The following SCN9A variants were observed in gnomAD, a reference collection of about 807,000 sequenced individuals.
SCN9A encodes the protein sodium voltage-gated channel alpha subunit 9, also known as sodium channel protein type 9 subunit alpha.
SCN9A carries 131 observed loss-of-function variants against 187.0 expected under a neutral mutation model. That is an observed-to-expected ratio of 0.70 (90% CI 0.61 to 0.81). SCN9A has a LOEUF of 0.81. Among genes scored for constraint, SCN9A ranks in the 30% least tolerant of loss-of-function variants. The pLI is 0.00. For missense variants in SCN9A, 2,252 were observed against 2,396.6 expected (o/e 0.94, Z 1.26); for synonymous variants, 809 against 808.6 (o/e 1.00, Z -0.01).
intron 9 of SCN9A, among the ~76,000 whole-genome samples, chr2:166,288,884 T>C (rs1398086862): frequency 6.6e-6 from 1 of 152,182 alleles, no homozygotes; most frequent in Non-Finnish European, 1.5e-5. Context: ...AGTGTAGTAG[T>C]ATAAAAATCA....
At chr2:166,288,691 G>A (rs1163884478) in intron 9 of SCN9A, 48 bp from the exon 10 acceptor site, 1 of 1,433,278 alleles carries the variant, frequency 7.0e-7, no homozygotes. Context: ...AGTTTTTTTA[G>A]TAAATTATTT....
chr2:166,195,571 C>A lies in SCN9A; in HGVS notation c.*3101G>T, dbSNP rs201362859. 1 of 152,104 alleles carries A rather than the reference C, an allele frequency of 6.6e-6. No homozygotes were observed. Among genetic ancestry groups the A allele is most frequent in the Admixed American group, 6.5e-5 (1 of 15,268 alleles). 9.4% of individuals were successfully genotyped at this position (152,104 alleles called of 1,614,324 possible). ...TTTAGAACTGCTTTATTTACATATG[C>A]ATTTTATTTTCACTCTTTTTAATAA... On this transcript the variant is annotated 3_prime_UTR_variant, in exon 27 of 27. Transcript: ENST00000642356.
intron 1 of SCN9A, among the ~76,000 whole-genome samples, chr2:166,367,008 A>G (rs999805429): frequency 1.3e-5 from 2 of 152,218 alleles, no homozygotes; most frequent in Non-Finnish European, 2.9e-5. Context: ...CTTCATGACA[A>G]TAAGTACTGT....
intron 1 of SCN9A, among the ~76,000 whole-genome samples, chr2:166,369,004 A>G (rs1448016074): frequency 1.3e-5 from 2 of 151,970 alleles, no homozygotes; most frequent in African/African-American, 4.8e-5. Flanking sequence ...AAAAAAAAGA[A>G]TGCATTTTGA....
intron 10 of SCN9A, among the ~76,000 whole-genome samples, chr2:166,287,987 T>G (rs1332579782): frequency 6.8e-6 from 1 of 146,690 alleles, no homozygotes; most frequent in Non-Finnish European, 1.5e-5. Context: ...ATATATAAAT[T>G]GAGATTATAT....
At chr2:166,270,331 C>A (rs1696918923) in intron 17 of SCN9A, among the ~76,000 whole-genome samples, 1 of 151,702 alleles carries the variant, frequency 6.6e-6, no homozygotes, top group Non-Finnish European at 1.5e-5. Flanking sequence ...TTAAAGTGTA[C>A]ATATGAGAGG....
intron 8 of SCN9A, 57 bp downstream of exon 8, chr2:166,294,542 A>G (rs1698216549): frequency 1.5e-6 from 2 of 1,301,122 alleles, no homozygotes; most frequent in African/African-American, 2.9e-5. Flanking sequence ...AACTGACTGA[A>G]CATTCTTTTC....
In SCN9A at chr2:166,280,584, A is replaced by C. The variant is rs1697438581; in HGVS notation, c.2116T>G (p.Ser706Ala). ...CACCAAGGTGGACATTTTTGTCTGGACTCTTCAAGTTCTGGGAGAAAAAAG... is the reference window on the plus strand; with the variant it reads ...CACCAAGGTGGACATTTTTGTCTGGCCTCTTCAAGTTCTGGGAGAAAAAAG... ...LTNTVEELEE[S>A]RQKCPPWWYR... Residue 706 changes from serine (S) to alanine (A), a missense_variant, in exon 14 of 27, where the codon TCC (serine) becomes GCC (alanine). Ser to Ala is a moderately conservative substitution (Grantham distance 99). Around this residue, in one of 7 missense-constraint regions of SCN9A, gnomAD observed 1,013 missense variants for 997.4 expected, o/e 1.02. Transcript: ENST00000642356. The C allele has an allele frequency of 6.4e-7, 1 of 1,570,974 alleles. No homozygotes were observed.
intron 1 of SCN9A, among the ~76,000 whole-genome samples, chr2:166,335,914 T>G (rs1309649251): frequency 1.3e-5 from 2 of 152,140 alleles, no homozygotes. Flanking sequence ...GTTTTTTTTC[T>G]TGTCATTATT....
chr2:166,284,689 C>G lies in SCN9A; in HGVS notation c.1738G>C (p.Asp580His). The G allele has an allele frequency of 1.2e-6, 2 of 1,613,972 alleles. No individual in the cohort carries two copies. The highest frequency in any genetic ancestry group is 3.3e-4 in the Middle Eastern group (2 of 6,062). Reference protein sequence around the residue: ...FADDEHSIFGDNESRRGSLFV... With the variant: ...FADDEHSIFGHNESRRGSLFV... ...AGTGAGCCCCTTCTGCTCTCATTGT[C>G]TCCAAAAATGCTGTGCTCATCATCG... The change falls in exon 12 of 27, where the codon GAC becomes CAC. Residue 580 changes from aspartate to histidine, a missense_variant. Around this residue, in one of 7 missense-constraint regions of SCN9A, gnomAD observed 1,013 missense variants for 997.4 expected, o/e 1.02. Transcript: ENST00000642356.
rs943797836 is a variant in SCN9A at position 166,333,172 on chromosome 2, A to G, written c.-50-21366T>C. ...ACCAGAGTTAGCAAAAAGAATACAC[A>G]GTCAGTTAAATTTGAATTATTTATC... On this transcript the variant is annotated intron_variant, in intron 1 of 26. Coordinates refer to ENST00000642356, the MANE Select transcript of SCN9A (RefSeq NM_001365536.1). 3.3e-5 allele frequency among the ~76,000 whole-genome samples: 5 copies of G among 152,206 alleles called. 1 individual carries two copies. In the South Asian group the frequency reaches 6.2e-4, roughly 19 times the overall value.
At position 166,199,759 on chromosome 2, in the gene SCN9A, G is replaced by C; in HGVS notation, c.4880C>G (p.Ala1627Gly). Residue 1627 changes from alanine to glycine, a missense_variant, in exon 27 of 27, where the codon GCA becomes GGA. Physicochemically the swap from Ala to Gly is moderately conservative, Grantham distance 60. Around this residue, in one of 7 missense-constraint regions of SCN9A, gnomAD observed 84 missense variants for 134.2 expected, o/e 0.63. Transcript: ENST00000642356. The part of the protein sequence containing the change: ...IGRILRLVKG[A>G]KGIRTLLFAL... ...AAAGAGCAGCGTGCGGATCCCCTTTGCTCCTTTGACTAGACGTAGGATTCG... is the reference window on the plus strand; with the variant it reads ...AAAGAGCAGCGTGCGGATCCCCTTTCCTCCTTTGACTAGACGTAGGATTCG... 1 of 1,614,058 alleles carries C rather than the reference G, an allele frequency of 6.2e-7. No individual in the cohort carries two copies. Among genetic ancestry groups the C allele is most frequent in the Non-Finnish European group, 8.5e-7 (1 of 1,180,024 alleles).
At chr2:166,355,665 A>G (rs1476729686) in intron 1 of SCN9A, among the ~76,000 whole-genome samples, 1 of 152,116 alleles carries the variant, frequency 6.6e-6, no homozygotes, top group African/African-American at 2.4e-5. Context: ...TACTCTTTAA[A>G]GGAATTATGC....
chr2:166,268,290 T>C (rs1558995132), intron 17 of SCN9A, among the ~76,000 whole-genome samples: 2 of 152,006 alleles, frequency 1.3e-5, no homozygotes, highest in African/African-American at 2.4e-5. Flanking sequence ...TTCTTAACTA[T>C]ATCCCAAGGT....
At chr2:166,202,218 AC>A (rs1693573107) in intron 26 of SCN9A, among the ~76,000 whole-genome samples, 2 of 144,844 alleles carry the variant, frequency 1.4e-5, no homozygotes, top group South Asian at 4.3e-4. Context: ...TTTTGGCTTT[AC>A]AAATTTGTGT....
chr2:166,373,228 T>C (rs1286425933), intron 1 of SCN9A, among the ~76,000 whole-genome samples: 1 of 151,938 alleles, frequency 6.6e-6, no homozygotes, highest in Non-Finnish European at 1.5e-5. Flanking sequence ...GAGTAAACCA[T>C]ATGCTGAGGA....
At chr2:166,203,307 A>T (rs1574704111) in intron 26 of SCN9A, among the ~76,000 whole-genome samples, 1 of 151,828 alleles carries the variant, frequency 6.6e-6, no homozygotes, top group Admixed American at 6.6e-5. Flanking sequence ...ACAATCCTAA[A>T]ATACTTTGCA....
chr2:166,274,475 G>T (rs1180428612), intron 16 of SCN9A, among the ~76,000 whole-genome samples: 3 of 151,672 alleles, frequency 2.0e-5, no homozygotes, highest in Non-Finnish European at 4.4e-5. Flanking sequence ...CAATTAACTG[G>T]CAATAAAATG....
chr2:166,205,616 A>C (rs1434924653), intron 24 of SCN9A, among the ~76,000 whole-genome samples: 1 of 152,142 alleles, frequency 6.6e-6, no homozygotes, highest in Non-Finnish European at 1.5e-5. Flanking sequence ...AGACTTCATG[A>C]CTAAAACACC....
Sources: gnomAD v4.1 joint callset for allele counts (sites outside exome capture counted in the v4.1 genomes callset) on GRCh38, gnomAD v4.1.1 for gene constraint, gnomAD v4.1.1 regional missense constraint, MANE v1.5 for transcripts, NCBI Gene and HGNC (gene_info 2026-07-23, HGNC 2026-07-21) for gene names.